The following MAGI2 variants were observed in gnomAD, a reference collection of about 807,000 sequenced individuals.
The protein encoded by MAGI2 is membrane associated guanylate kinase, WW and PDZ domain containing 2.
A neutral mutation model predicts 133.3 loss-of-function variants in MAGI2; 35 were observed. The ratio of observed to expected loss-of-function variants is 0.26; its 90% CI spans 0.20 to 0.35. The LOEUF is 0.35. Among genes scored for constraint, MAGI2 ranks in the 10% least tolerant of loss-of-function variants. The pLI is 1.00. For missense variants in MAGI2, 1,636 were observed against 1,863.4 expected, an observed-to-expected ratio of 0.88 and a Z score of 2.25; for synonymous variants, 729 against 710.6, an observed-to-expected ratio of 1.03 and a Z score of -0.41.
chr7:78,477,266 T>G (rs13237945), intron 6 of MAGI2, among the ~76,000 whole-genome samples: 24,167 of 151,972 alleles, frequency 0.16, 2,032 homozygotes, highest in South Asian at 0.21. Flanking sequence ...CAACATTATG[T>G]GGACTACAGT....
At chr7:79,409,692 C>A (rs1280785116) in intron 1 of MAGI2, among the ~76,000 whole-genome samples, 5 of 152,052 alleles carry the variant, frequency 3.3e-5, no homozygotes, top group Non-Finnish European at 7.4e-5. Flanking sequence ...TTATATGTCA[C>A]AATAGATCTC....
intron 18 of MAGI2, among the ~76,000 whole-genome samples, chr7:78,130,527 T>C (rs564714423): frequency 2.2e-4 from 34 of 152,328 alleles, no homozygotes; most frequent in African/African-American, 7.7e-4. Context: ...TCTGATACCA[T>C]GGCCATCTTT....
rs142870464 is a variant in MAGI2 at position 78,422,141 on chromosome 7, T to A, written c.1046-52928A>T. On this transcript the variant is annotated intron_variant, in intron 6 of 21. Coordinates refer to ENST00000354212, the MANE Select transcript of MAGI2 (RefSeq NM_012301.4). Reference sequence around the variant, plus strand: ...GAACTGAGGATGCCATTAGGGAGAATGCCTTAAACAAATCAGGAGCAGCTG... The same window carrying A: ...GAACTGAGGATGCCATTAGGGAGAAAGCCTTAAACAAATCAGGAGCAGCTG... 3.9e-5 allele frequency among the ~76,000 whole-genome samples: 6 copies of A among 152,250 alleles called. No homozygotes were observed. The East Asian group carries it at 1.2e-3, about 30-fold the overall frequency.
At chr7:78,908,086 T>G (rs937859533) in intron 2 of MAGI2, among the ~76,000 whole-genome samples, 3 of 152,134 alleles carry the variant, frequency 2.0e-5, no homozygotes, top group African/African-American at 7.2e-5. Flanking sequence ...GGAAATGTGG[T>G]ATATTTGAGA....
chr7:79,134,101 A>G (rs1821170681), intron 1 of MAGI2, among the ~76,000 whole-genome samples: 1 of 152,208 alleles, frequency 6.6e-6, no homozygotes. Flanking sequence ...TCAAATGATT[A>G]AAGTTAAAAT....
chr7:78,746,583 C>G (rs1400200606), intron 2 of MAGI2, among the ~76,000 whole-genome samples: 3 of 152,200 alleles, frequency 2.0e-5, no homozygotes, highest in Non-Finnish European at 4.4e-5. Flanking sequence ...AAATTTCATA[C>G]TAATGCCAGC....
intron 9 of MAGI2, among the ~76,000 whole-genome samples, chr7:78,308,850 A>G (rs991555353): frequency 3.3e-5 from 5 of 152,248 alleles, no homozygotes; most frequent in African/African-American, 1.2e-4. Context: ...ATTATCAGAT[A>G]GACATAATAC....
At chr7:78,224,694 A>AT (rs566236945) in intron 10 of MAGI2, among the ~76,000 whole-genome samples, 22,614 of 142,258 alleles carry the variant, frequency 0.16, 2,101 homozygotes, top group East Asian at 0.34. Context: ...AACAACGTAA[A>AT]TTTTTTTTTT....
intron 2 of MAGI2, among the ~76,000 whole-genome samples, chr7:78,986,777 C>T (rs559589358): frequency 1.3e-5 from 2 of 152,096 alleles, no homozygotes; most frequent in African/African-American, 2.4e-5. Flanking sequence ...CCCTTTGTGT[C>T]TTCTACAGCA....
chr7:79,239,974 C>G (rs1380791195), intron 1 of MAGI2, among the ~76,000 whole-genome samples: 1 of 152,206 alleles, frequency 6.6e-6, no homozygotes, highest in Non-Finnish European at 1.5e-5. Context: ...TTTTAAATGT[C>G]TTCCCTCAGA....
At chr7:79,317,009 TTTTC>T (rs1263796483) in intron 1 of MAGI2, among the ~76,000 whole-genome samples, 1 of 147,650 alleles carries the variant, frequency 6.8e-6, no homozygotes, top group Non-Finnish European at 1.5e-5. Flanking sequence ...GGGTTTTTTT[TTTTC>T]TTTTTCTTTT....
chr7:79,002,430 C>T (rs1806963308), intron 2 of MAGI2, among the ~76,000 whole-genome samples: 1 of 151,996 alleles, frequency 6.6e-6, no homozygotes, highest in Admixed American at 6.6e-5. Flanking sequence ...AATGAAGAAT[C>T]AATCTCAGCC....
At position 78,328,530 on chromosome 7, in the gene MAGI2, C is replaced by CACACACACACA. The variant is rs10525463; in HGVS notation, c.1408+15247_1408+15248insTGTGTGTGTGT. On this transcript the variant is annotated intron_variant, in intron 9 of 21. Transcript: ENST00000354212. ...ACACACACACACACACACACACACA[C>CACACACACACA]CCCTCTCTCTCTCTCTCTTACTTTA... Among the ~76,000 whole-genome samples the CACACACACACA allele has an allele frequency of 9.4e-3, 1,169 of 124,694 alleles. 13 individuals carry two copies. Among genetic ancestry groups the CACACACACACA allele is most frequent in the Non-Finnish European group, 0.012 (744 of 59,682 alleles). 81.8% of individuals were successfully genotyped at this position (124,694 alleles called of 152,430 possible).
intron 3 of MAGI2, among the ~76,000 whole-genome samples, chr7:78,532,420 T>C (rs1230446980): frequency 6.6e-6 from 1 of 152,214 alleles, no homozygotes; most frequent in African/African-American, 2.4e-5. Context: ...AAAGTGATTG[T>C]GGTTGCAGAG....
chr7:78,310,912 G>A (rs1464433500), intron 9 of MAGI2, among the ~76,000 whole-genome samples: 2 of 152,112 alleles, frequency 1.3e-5, no homozygotes, highest in Non-Finnish European at 2.9e-5. Flanking sequence ...AAAAGCACTT[G>A]GAAATATGGA....
At chr7:78,601,980 G>T (rs1025045987) in intron 3 of MAGI2, among the ~76,000 whole-genome samples, 7 of 152,000 alleles carry the variant, frequency 4.6e-5, no homozygotes, top group Non-Finnish European at 1.0e-4. Context: ...TGAACATGAG[G>T]AATCATCAGT....
intron 2 of MAGI2, among the ~76,000 whole-genome samples, chr7:78,671,824 T>C (rs1350346973): frequency 3.3e-5 from 5 of 152,166 alleles, no homozygotes; most frequent in Non-Finnish European, 5.9e-5. Flanking sequence ...ATCATGAAGC[T>C]ACAGATTTAG....
chr7:78,714,744 T>C lies in MAGI2; in HGVS notation c.419-87505A>G, dbSNP rs7779229. On this transcript the variant is annotated intron_variant, in intron 2 of 21. Coordinates refer to ENST00000354212, the MANE Select transcript of MAGI2 (RefSeq NM_012301.4). The stretch of plus-strand genomic sequence containing the variant: ...GAAGCATATGAGGAATTTACTTCCA[T>C]CATGGTAGGAGGGAAATGCAAAGGC... Among the ~76,000 whole-genome samples the C allele has an allele frequency of 6.7e-3, 1,024 of 152,308 alleles. 7 individuals are homozygous for C. The highest frequency in any genetic ancestry group is 0.011 in the Non-Finnish European group (729 of 68,008).
intron 1 of MAGI2, among the ~76,000 whole-genome samples, chr7:79,266,237 C>T (rs964592770): frequency 4.6e-5 from 5 of 108,810 alleles, no homozygotes; most frequent in Non-Finnish European, 9.5e-5. Context: ...TCCCTGCCCA[C>T]CCCACCCCCA....
Sources: gnomAD v4.1 joint callset for allele counts (sites outside exome capture counted in the v4.1 genomes callset) on GRCh38, gnomAD v4.1.1 for gene constraint, MANE v1.5 for transcripts, NCBI Gene and HGNC (gene_info 2026-07-23, HGNC 2026-07-21) for gene names.